Variants in NBEA observed in about 807,000 individuals in gnomAD.
NBEA encodes lysosomal-trafficking regulator 2.
In NBEA, 44 loss-of-function variants were observed where a neutral mutation model predicts 343.4. The observed-to-expected ratio is 0.13, with a 90% CI of 0.10 to 0.16. NBEA has a LOEUF of 0.16. NBEA is among the 10% of genes least tolerant of loss of function. The pLI, the probability that NBEA is intolerant of heterozygous loss-of-function variation, is 1.00. For missense variants in NBEA, 2,555 were observed against 3,631.3 expected (o/e 0.70, Z 7.62); for synonymous variants, 1,175 against 1,238.7 (o/e 0.95, Z 1.08).
intron 38 of NBEA, among the ~76,000 whole-genome samples, chr13:35,399,317 A>G (rs1290601936): frequency 6.6e-6 from 1 of 152,154 alleles, no homozygotes; most frequent in Non-Finnish European, 1.5e-5. Flanking sequence ...TGGGTAATTT[A>G]TTAAAGGAAA....
At chr13:35,120,672 A>ATTGTTATTTAGTAATAATGTATATT (rs1566316799) in intron 16 of NBEA, among the ~76,000 whole-genome samples, 3 of 149,020 alleles carry the variant, frequency 2.0e-5, no homozygotes, top group Admixed American at 6.6e-5. Flanking sequence ...AATTGGGCTT[A>ATTGTTATTTAGTAATAATGTATATT]AGGAAGCCCT....
chr13:35,234,499 A>G (rs1327315711), intron 34 of NBEA, among the ~76,000 whole-genome samples: 1 of 152,188 alleles, frequency 6.6e-6, no homozygotes, highest in Non-Finnish European at 1.5e-5. Flanking sequence ...GCAAAGAGAC[A>G]TAAAAACCAA....
chr13:35,651,750 A>G, intron 52 of NBEA, 55 bp from the exon 53 acceptor site: 1 of 1,057,042 alleles, frequency 9.5e-7, no homozygotes, highest in East Asian at 2.6e-5. Context: ...CCATTAGGAA[A>G]TCCCTTCTTT....
chr13:35,274,099 C>T (rs188714765), intron 34 of NBEA, among the ~76,000 whole-genome samples: 20 of 152,144 alleles, frequency 1.3e-4, no homozygotes, highest in Admixed American at 3.9e-4. Context: ...TGAACATCAA[C>T]GCAAAAAATT....
At chr13:35,420,129 T>A (rs2044180633) in intron 38 of NBEA, among the ~76,000 whole-genome samples, 1 of 152,048 alleles carries the variant, frequency 6.6e-6, no homozygotes, top group African/African-American at 2.4e-5. Context: ...TCTTTTGCCT[T>A]ACTGCATTGG....
intron 17 of NBEA, among the ~76,000 whole-genome samples, chr13:35,140,652 G>A (rs1205676741): frequency 6.6e-6 from 1 of 152,104 alleles, no homozygotes; most frequent in Non-Finnish European, 1.5e-5. Context: ...TAGGGTGAGG[G>A]TATCAACAAT....
At chr13:35,340,794 G>A (rs1465044654) in intron 36 of NBEA, among the ~76,000 whole-genome samples, 2 of 151,902 alleles carry the variant, frequency 1.3e-5, no homozygotes, top group Admixed American at 6.6e-5. Context: ...TAATGGATTG[G>A]AAAAGTTAAT....
intron 45 of NBEA, among the ~76,000 whole-genome samples, chr13:35,577,779 C>T (rs550020551): frequency 1.3e-5 from 2 of 152,200 alleles, no homozygotes; most frequent in African/African-American, 4.8e-5. Flanking sequence ...CGAAGGGCTA[C>T]ACTACTGGGT....
chr13:35,447,557 T>C (rs2046111768), intron 39 of NBEA, among the ~76,000 whole-genome samples: 1 of 152,144 alleles, frequency 6.6e-6, no homozygotes, highest in African/African-American at 2.4e-5. Context: ...TCTCACATGA[T>C]GTAGAAAATA....
At chr13:35,305,740 C>G (rs2036849146) in intron 35 of NBEA, among the ~76,000 whole-genome samples, 1 of 152,116 alleles carries the variant, frequency 6.6e-6, no homozygotes, top group African/African-American at 2.4e-5. Context: ...TGTTTTAAGC[C>G]CCTGAGATTC....
chr13:35,614,129 T>C (rs2082635590), intron 48 of NBEA, among the ~76,000 whole-genome samples: 1 of 152,232 alleles, frequency 6.6e-6, no homozygotes, highest in South Asian at 2.1e-4. Flanking sequence ...CATATGTCCA[T>C]TGGCCATTTG....
intron 41 of NBEA, among the ~76,000 whole-genome samples, chr13:35,525,843 C>T (rs2077949330): frequency 6.6e-6 from 1 of 152,108 alleles, no homozygotes; most frequent in Admixed American, 6.5e-5. Context: ...GCTGTGTCTT[C>T]ACATGGTGGA....
chr13:35,245,827 T>A (rs2031099749), intron 34 of NBEA, among the ~76,000 whole-genome samples: 1 of 152,194 alleles, frequency 6.6e-6, no homozygotes, highest in Non-Finnish European at 1.5e-5. Context: ...TTTGGATGTC[T>A]AGATCTGTAC....
chr13:35,075,398 T>C (rs1192749166), intron 10 of NBEA, among the ~76,000 whole-genome samples: 1 of 152,136 alleles, frequency 6.6e-6, no homozygotes, highest in Non-Finnish European at 1.5e-5. Context: ...TTTAATGTTA[T>C]TGTAAACTAT....
At chr13:35,288,144 C>G (rs969876108) in intron 34 of NBEA, among the ~76,000 whole-genome samples, 3 of 151,910 alleles carry the variant, frequency 2.0e-5, no homozygotes, top group Non-Finnish European at 4.4e-5. Flanking sequence ...CTTTTTGAGA[C>G]GTACACTTGT....
At chr13:35,244,483 T>G (rs1482937411) in intron 34 of NBEA, among the ~76,000 whole-genome samples, 1 of 152,112 alleles carries the variant, frequency 6.6e-6, no homozygotes, top group Non-Finnish European at 1.5e-5. Flanking sequence ...GTGCCTATTT[T>G]TATACCAGTA....
intron 34 of NBEA, among the ~76,000 whole-genome samples, chr13:35,247,529 C>A (rs1046605364): frequency 6.6e-6 from 1 of 152,046 alleles, no homozygotes; most frequent in African/African-American, 2.4e-5. Flanking sequence ...AGGTTAGAAT[C>A]TTTTCCAGTG....
chr13:35,138,404 A>T (rs2067863908), intron 17 of NBEA, among the ~76,000 whole-genome samples: 1 of 152,084 alleles, frequency 6.6e-6, no homozygotes, highest in African/African-American at 2.4e-5. Flanking sequence ...GGTAGAAAAA[A>T]ATTGGAAATT....
chr13:35,008,635 A>G (rs1278827747), intron 1 of NBEA, among the ~76,000 whole-genome samples: 1 of 152,136 alleles, frequency 6.6e-6, no homozygotes, highest in African/African-American at 2.4e-5. Flanking sequence ...ATCATCATCT[A>G]CTTAATTCTA....
Sources: allele counts gnomAD v4.1 joint callset (sites outside exome capture counted in the v4.1 genomes callset), GRCh38; gene constraint gnomAD v4.1.1; transcripts MANE v1.5; gene names NCBI Gene and HGNC (gene_info 2026-07-23, HGNC 2026-07-21).